Variants in ARFGEF3 observed in about 807,000 individuals in gnomAD.
ARFGEF3 encodes the protein ARFGEF family member 3.
Under a neutral mutation model 221.7 loss-of-function variants are expected in ARFGEF3, and 96 were observed. The observed-to-expected ratio is 0.43, with a 90% CI of 0.37 to 0.51. The LOEUF (loss-of-function observed/expected upper bound fraction) is 0.51. Ranked by LOEUF, ARFGEF3 falls within the 20% of genes least tolerant of loss-of-function variation. The pLI, the probability that ARFGEF3 is intolerant of heterozygous loss-of-function variation, is 0.00. For synonymous variants in ARFGEF3, 1,145 were observed against 1,126.8 expected (o/e 1.02, Z -0.32); for missense variants, 2,410 against 2,789.9 (o/e 0.86, Z 3.07).
At chr6:138,274,174 G>A (rs1779053333) in intron 12 of ARFGEF3, among the ~76,000 whole-genome samples, 1 of 152,168 alleles carries the variant, frequency 6.6e-6, no homozygotes, top group South Asian at 2.1e-4. Flanking sequence ...TTAGTAGTTG[G>A]TTTCAACATT....
At chr6:138,323,802 G>A in intron 30 of ARFGEF3, 29 bp downstream of exon 30, 1 of 1,601,774 alleles carries the variant, frequency 6.2e-7, no homozygotes, top group Non-Finnish European at 8.6e-7. Flanking sequence ...GCCCTCCCTG[G>A]CACAGTTCTA....
At chr6:138,286,247 C>T (rs1249996132) in intron 15 of ARFGEF3, among the ~76,000 whole-genome samples, 194 bp downstream of exon 15, 4 of 152,046 alleles carry the variant, frequency 2.6e-5, no homozygotes, top group Non-Finnish European at 5.9e-5. Context: ...TCAGGAGATC[C>T]AGACCATCCT....
chr6:138,313,023 G>A (rs1779858429), intron 25 of ARFGEF3, among the ~76,000 whole-genome samples: 2 of 152,048 alleles, frequency 1.3e-5, no homozygotes, highest in South Asian at 2.1e-4. Context: ...ACTATTTCTA[G>A]TACCACCTGT....
Position 138,286,871 on chromosome 6 carries a change from A to G in ARFGEF3, c.2740A>G (p.Ser914Gly). 1 of 1,613,686 alleles carries G rather than the reference A, an allele frequency of 6.2e-7. No homozygotes were observed. The highest frequency in any genetic ancestry group is 2.2e-5 in the East Asian group (1 of 44,878). ...NQKERDAICM[S>G]LDGLRKAARL... ...GAAGGAGCGGGACGCCATCTGCATGAGCCTCGACGGGCTGCGGAAAGCCGC... is the reference window on the plus strand; with the variant it reads ...GAAGGAGCGGGACGCCATCTGCATGGGCCTCGACGGGCTGCGGAAAGCCGC... Residue 914 changes from serine (S) to glycine (G), a missense_variant, in exon 16 of 34, where the codon AGC (serine) becomes GGC (glycine). Transcript: ENST00000251691.
At chr6:138,325,515 G>A (rs575243967) in intron 31 of ARFGEF3, among the ~76,000 whole-genome samples, 1 of 152,310 alleles carries the variant, frequency 6.6e-6, no homozygotes, top group Admixed American at 6.5e-5. Context: ...GAAGAAGTTG[G>A]GACAGAAGAA....
chr6:138,286,267 G>A (rs1016136437), intron 15 of ARFGEF3, among the ~76,000 whole-genome samples: 7 of 152,062 alleles, frequency 4.6e-5, no homozygotes, highest in Admixed American at 3.9e-4. Flanking sequence ...TGGCTAACAC[G>A]GTGAAACCAC....
chr6:138,278,332 C>A, intron 12 of ARFGEF3, 119 bp from the exon 13 acceptor site: 1 of 912,730 alleles, frequency 1.1e-6, no homozygotes, highest in Non-Finnish European at 1.7e-6. Flanking sequence ...GCTGTCAGTG[C>A]TATACAGAAA....
chr6:138,297,318 C>T (rs558730185), intron 21 of ARFGEF3, among the ~76,000 whole-genome samples: 2 of 152,264 alleles, frequency 1.3e-5, no homozygotes, highest in Admixed American at 6.5e-5. Flanking sequence ...TGGTTCCTAC[C>T]AGTCCCTGTT....
In ARFGEF3 at chr6:138,334,253, G is replaced by C. The variant is rs373484827; in HGVS notation, c.5407G>C (p.Ala1803Pro). The change falls in exon 33 of 34, where the codon GCC becomes CCC. Residue 1803 changes from alanine (A) to proline (P), a missense_variant. Ala to Pro is a conservative substitution (Grantham distance 27, BLOSUM62 -1). Around this residue, in one of 5 missense-constraint regions of ARFGEF3, gnomAD observed 723 missense variants for 991.9 expected, o/e 0.73. Coordinates refer to ENST00000251691, the MANE Select transcript of ARFGEF3 (RefSeq NM_020340.5). This position sits in a 1 kb window ranked among gnomAD's most constrained non-coding sequence, Gnocchi z 5.1. The part of the protein sequence containing the change: ...LLKKVSGIGG[A>P]ANLYRQSAMS... Reference sequence around the variant, plus strand: ...GAAGAAAGTGTCTGGCATCGGGGGCGCCGCCAACCTCTACCGCCAGTCTGC... The same window carrying C: ...GAAGAAAGTGTCTGGCATCGGGGGCCCCGCCAACCTCTACCGCCAGTCTGC... 6 of 1,613,226 alleles carry C rather than the reference G, an allele frequency of 3.7e-6. No homozygotes were observed. The African/African-American group carries it at 8.0e-5, about 22-fold the overall frequency.
intron 2 of ARFGEF3, among the ~76,000 whole-genome samples, chr6:138,177,095 T>A (rs987584058): frequency 8.1e-6 from 1 of 122,758 alleles, no homozygotes; most frequent in Non-Finnish European, 1.6e-5. Flanking sequence ...ATTTATTTAT[T>A]TATATTTTTT....
At chr6:138,229,903 A>G in intron 5 of ARFGEF3, 51 bp downstream of exon 5, 1 of 1,436,620 alleles carries the variant, frequency 7.0e-7, no homozygotes, top group Non-Finnish European at 9.8e-7. Context: ...TTTATCTCTG[A>G]CTGGGATAAA....
chr6:138,285,638 G>C (rs2114627045), intron 14 of ARFGEF3, among the ~76,000 whole-genome samples: 1 of 152,106 alleles, frequency 6.6e-6, no homozygotes, highest in South Asian at 2.1e-4. Context: ...TGAATAAAAA[G>C]AGTATTTAAG....
chr6:138,340,094 G>GT lies in ARFGEF3; in HGVS notation c.*3609dup, dbSNP rs2114709017. On this transcript the variant is annotated 3_prime_UTR_variant, in exon 34 of 34. Coordinates refer to ENST00000251691, the MANE Select transcript of ARFGEF3 (RefSeq NM_020340.5). ...AAAAATACAAAATTAGCCGGGCATG[G>GT]TGGCAGCTGCCTGTAATCCCAGCTA... 1 of 152,374 alleles carries GT rather than the reference G, an allele frequency of 6.6e-6. No individual in the cohort carries two copies. The highest frequency in any genetic ancestry group is 2.1e-4 in the South Asian group (1 of 4,830). The allele number at this position is 152,374 out of a possible 1,614,324, so 9.4% of individuals were successfully genotyped here. A position where few individuals can be genotyped will look rare whatever the true frequency, so the allele number is the denominator to read the frequency against.
At chr6:138,209,167 TG>T (rs1007149696) in intron 3 of ARFGEF3, among the ~76,000 whole-genome samples, 48 of 152,268 alleles carry the variant, frequency 3.2e-4, no homozygotes, top group African/African-American at 1.2e-3. Flanking sequence ...AAATAATTCC[TG>T]GATAAATGAC....
At position 138,162,015 on chromosome 6, in the gene ARFGEF3, G is replaced by T. The variant is rs896677490; in HGVS notation, c.-72G>T. The T allele has an allele frequency of 3.5e-6, 4 of 1,140,138 alleles. No homozygotes were observed. Among genetic ancestry groups the T allele is most frequent in the African/African-American group, 3.3e-5 (2 of 60,870 alleles). 70.6% of individuals were successfully genotyped at this position (1,140,138 alleles called of 1,614,324 possible). A position where few individuals can be genotyped will look rare whatever the true frequency, so the allele number is the denominator to read the frequency against. ...GCCTAGGCGCCCAGGGCCAGGCAGC[G>T]GCGGCTTCCCCGGCCCGGCTCGCCC... On this transcript the variant is annotated 5_prime_UTR_variant, in exon 1 of 34. Coordinates refer to ENST00000251691, the MANE Select transcript of ARFGEF3 (RefSeq NM_020340.5). This position sits in a 1 kb window ranked among gnomAD's most constrained non-coding sequence, Gnocchi z 4.7.
In ARFGEF3 at chr6:138,338,130, T is replaced by C. The variant is rs1186794824; in HGVS notation, c.*1644T>C. The C allele has an allele frequency of 6.6e-6, 1 of 152,214 alleles. No individual in the cohort carries two copies. Among genetic ancestry groups the C allele is most frequent in the Non-Finnish European group, 1.5e-5 (1 of 68,042 alleles). 9.4% of individuals were successfully genotyped at this position (152,214 alleles called of 1,614,324 possible). A position where few individuals can be genotyped will look rare whatever the true frequency, so the allele number is the denominator to read the frequency against. On this transcript the variant is annotated 3_prime_UTR_variant, in exon 34 of 34. Transcript: ENST00000251691. ...TTTTTTTCCCAGTTCCACAAAACAC[T>C]CTGTTTGCCTTCAGTTTTTACTCAC...
At chr6:138,180,059 C>T in intron 2 of ARFGEF3, among the ~76,000 whole-genome samples, 1 of 152,218 alleles carries the variant, frequency 6.6e-6, no homozygotes, top group East Asian at 1.9e-4. Context: ...GCGATCCTCC[C>T]ACCTTAGCCT....
Position 138,181,911 on chromosome 6 carries a change from G to A in ARFGEF3, c.137+11198G>A, listed in dbSNP as rs889964147. On this transcript the variant is annotated intron_variant, in intron 2 of 33. Coordinates refer to ENST00000251691, the MANE Select transcript of ARFGEF3 (RefSeq NM_020340.5). The stretch of plus-strand genomic sequence containing the variant: ...GTTTATATTGATGGATTTTAAAAAT[G>A]GATCCCAAATGATGGATAGGGACCC... Among the ~76,000 whole-genome samples, 6 of 152,182 alleles carry A rather than the reference G, an allele frequency of 3.9e-5. No homozygotes were observed. The East Asian group carries it at 1.2e-3, about 29-fold the overall frequency.
At chr6:138,285,243 C>T (rs1471731907) in intron 14 of ARFGEF3, among the ~76,000 whole-genome samples, 1 of 150,534 alleles carries the variant, frequency 6.6e-6, no homozygotes, top group Non-Finnish European at 1.5e-5. Context: ...GCAGGCAGAT[C>T]ACAAGGTCAG....
Sources: gnomAD v4.1 joint callset for allele counts (sites outside exome capture counted in the v4.1 genomes callset) on GRCh38, gnomAD v4.1.1 for gene constraint, gnomAD v4.1.1 regional missense constraint, Gnocchi (gnomAD v3.1) non-coding constraint, MANE v1.5 for transcripts, NCBI Gene and HGNC (gene_info 2026-07-23, HGNC 2026-07-21) for gene names.